The following LDLRAD4 variants were observed in gnomAD, a reference collection of about 807,000 sequenced individuals.
LDLRAD4 encodes low-density lipoprotein receptor class A domain-containing protein 4.
Under a neutral mutation model 17.0 loss-of-function variants are expected in LDLRAD4, and 5 were observed. The observed-to-expected ratio is 0.29, with a 90% CI of 0.15 to 0.62. LDLRAD4 has a LOEUF of 0.62. Ranked by LOEUF, LDLRAD4 falls within the 20% of genes least tolerant of loss-of-function variation. The pLI, the probability that LDLRAD4 is intolerant of heterozygous loss-of-function variation, is 0.84. For synonymous variants in LDLRAD4, 168 were observed against 171.8 expected, an observed-to-expected ratio of 0.98 and a Z score of 0.17; for missense variants, 340 against 424.7, an observed-to-expected ratio of 0.80 and a Z score of 1.75.
In LDLRAD4 at chr18:13,438,392, T is replaced by A. The variant is rs201120117; in HGVS notation, c.181+8T>A. ...CTCCGGGCATCTTCAACTGTAAGTC[T>A]CTCCTCCCACCTGGGTGGCACTGTC... On this transcript the variant is annotated splice_region_variant and intron_variant, in intron 3 of 5. Coordinates refer to ENST00000359446, the Ensembl canonical transcript of LDLRAD4. 6.1e-4 allele frequency: 979 copies of A among 1,613,100 alleles called. No homozygotes were observed. The highest frequency in any genetic ancestry group is 7.7e-4 in the Non-Finnish European group (909 of 1,179,494).
chr18:13,534,486 G>A (rs2094173686), intron 3 of LDLRAD4, among the ~76,000 whole-genome samples: 2 of 151,938 alleles, frequency 1.3e-5, no homozygotes, highest in Admixed American at 1.3e-4. Flanking sequence ...CTTGCAACAG[G>A]AAAGCTTTAA....
chr18:13,322,700 C>T (rs1254025917), intron 1 of LDLRAD4, among the ~76,000 whole-genome samples: 3 of 152,128 alleles, frequency 2.0e-5, no homozygotes, highest in Non-Finnish European at 2.9e-5. Context: ...TCACTGCAAC[C>T]TCTGCCTCCC....
At chr18:13,325,989 G>A (rs1231260667) in intron 1 of LDLRAD4, among the ~76,000 whole-genome samples, 3 of 151,888 alleles carry the variant, frequency 2.0e-5, no homozygotes, top group African/African-American at 7.3e-5. Flanking sequence ...GGATGTTCTT[G>A]ATCTCCTGAC....
chr18:13,437,289 A>G (rs1399347722), intron 2 of LDLRAD4, among the ~76,000 whole-genome samples: 3 of 152,228 alleles, frequency 2.0e-5, no homozygotes, highest in Non-Finnish European at 4.4e-5. Context: ...CCCGCTGTGT[A>G]CTGAGTGGGC....
rs1385644002 is a variant in LDLRAD4 at position 13,621,217 on chromosome 18, G to T, written c.282G>T (p.Arg94=). 4.3e-6 allele frequency: 7 copies of T among 1,614,052 alleles called. No homozygotes were observed. The highest frequency in any genetic ancestry group is 5.9e-6 in the Non-Finnish European group (7 of 1,180,038). ...TGAACCACTACAAAGTCTCCACGCG[G>T]TCCTTCATCAACCGCCCGAACCAGA... Residue 94 remains arginine (R), a synonymous_variant, in exon 4 of 6, where the codon CGG becomes CGT. Transcript: ENST00000359446. The surrounding 1 kb of genome is among the most constrained non-coding windows in gnomAD (Gnocchi z 5.5).
At chr18:13,225,611 T>C (rs1355254750) in intron 1 of LDLRAD4, among the ~76,000 whole-genome samples, 2 of 152,216 alleles carry the variant, frequency 1.3e-5, no homozygotes, top group Non-Finnish European at 2.9e-5. Context: ...GGGTAGCTGC[T>C]CCTAGCAGCA....
intron 3 of LDLRAD4, among the ~76,000 whole-genome samples, chr18:13,608,522 C>G (rs767537577): frequency 6.6e-6 from 1 of 152,146 alleles, no homozygotes; most frequent in Non-Finnish European, 1.5e-5. Flanking sequence ...TCTGAGTAGC[C>G]GCTGAGCTAC....
chr18:13,391,727 C>T (rs910172643), intron 2 of LDLRAD4, among the ~76,000 whole-genome samples: 7 of 152,170 alleles, frequency 4.6e-5, no homozygotes, highest in Non-Finnish European at 8.8e-5. Flanking sequence ...ACTCTTTCTT[C>T]GGGCAACATT....
intron 3 of LDLRAD4, among the ~76,000 whole-genome samples, chr18:13,492,160 G>C (rs947131635): frequency 6.6e-6 from 1 of 152,086 alleles, no homozygotes; most frequent in South Asian, 2.1e-4. Context: ...CTAGAAACAG[G>C]CCACGCTCTT....
At chr18:13,629,222 A>G (rs2041445615) in intron 4 of LDLRAD4, among the ~76,000 whole-genome samples, 2 of 152,222 alleles carry the variant, frequency 1.3e-5, no homozygotes, top group Non-Finnish European at 2.9e-5. Context: ...GCAAAGAGCA[A>G]ATAGTTTTGC....
chr18:13,457,533 T>A (rs2092207462), intron 3 of LDLRAD4, among the ~76,000 whole-genome samples: 1 of 152,094 alleles, frequency 6.6e-6, no homozygotes, highest in Admixed American at 6.5e-5. Flanking sequence ...GAGAGAGATG[T>A]TTTGCCTGGC....
chr18:13,452,434 C>G (rs1439011010), intron 3 of LDLRAD4, among the ~76,000 whole-genome samples: 1 of 151,954 alleles, frequency 6.6e-6, no homozygotes, highest in Admixed American at 6.6e-5. Flanking sequence ...GGTGGGTGCA[C>G]TAGAGAGAGA....
At chr18:13,565,535 G>A (rs914552760) in intron 3 of LDLRAD4, among the ~76,000 whole-genome samples, 12 of 152,250 alleles carry the variant, frequency 7.9e-5, no homozygotes, top group East Asian at 1.9e-4. Context: ...GGCATGAGCC[G>A]CCCTCACAGC....
intron 3 of LDLRAD4, among the ~76,000 whole-genome samples, chr18:13,560,752 T>A (rs984525928): frequency 6.6e-6 from 1 of 152,132 alleles, no homozygotes; most frequent in African/African-American, 2.4e-5. Flanking sequence ...GAATAATAAT[T>A]AAAGAAAACT....
intron 1 of LDLRAD4, among the ~76,000 whole-genome samples, chr18:13,282,279 T>C (rs961637362): frequency 2.6e-5 from 4 of 152,150 alleles, no homozygotes; most frequent in Admixed American, 2.6e-4. Context: ...CAATCTTGCC[T>C]TCCCAATAGT....
At position 13,642,126 on chromosome 18, in the gene LDLRAD4, C is replaced by T. The variant is rs886587245; in HGVS notation, c.337-1233C>T. ...CCTTCGTCTCCGAGCAGCTGGACCGCCGTATACGTTTGCCACTGATTCCAG... is the reference window on the plus strand; with the variant it reads ...CCTTCGTCTCCGAGCAGCTGGACCGTCGTATACGTTTGCCACTGATTCCAG... On this transcript the variant is annotated intron_variant, in intron 4 of 5. Coordinates refer to ENST00000359446, the Ensembl canonical transcript of LDLRAD4. The T allele has an allele frequency of 3.2e-5, 32 of 985,554 alleles. No homozygotes were observed. The African/African-American group carries it at 5.6e-4, about 17-fold the overall frequency. 61.1% of individuals were successfully genotyped at this position (985,554 alleles called of 1,614,324 possible).
intron 3 of LDLRAD4, chr18:13,488,931 AT>A (rs1208478112): frequency 2.6e-5 from 4 of 152,234 alleles, no homozygotes; most frequent in Non-Finnish European, 5.9e-5. Flanking sequence ...TGTGAGAAGG[AT>A]TTCAAGGATG....
At chr18:13,230,485 C>T (rs2042017076) in intron 1 of LDLRAD4, among the ~76,000 whole-genome samples, 1 of 152,072 alleles carries the variant, frequency 6.6e-6, no homozygotes, top group Non-Finnish European at 1.5e-5. Flanking sequence ...GTACAATGTA[C>T]TATTACCATA....
chr18:13,291,554 A>T (rs2045964329), intron 1 of LDLRAD4, among the ~76,000 whole-genome samples: 1 of 151,702 alleles, frequency 6.6e-6, no homozygotes, highest in Non-Finnish European at 1.5e-5. Flanking sequence ...AGCACCTCTC[A>T]CCTCCTCACA....
Sources: allele counts gnomAD v4.1 joint callset (sites outside exome capture counted in the v4.1 genomes callset), GRCh38; gene constraint gnomAD v4.1.1; non-coding constraint Gnocchi (gnomAD v3.1); transcripts MANE v1.5; gene names NCBI Gene and HGNC (gene_info 2026-07-23, HGNC 2026-07-21).